Variants in MRPL3 observed in about 807,000 individuals in gnomAD.
The protein encoded by MRPL3 is large ribosomal subunit protein uL3m.
In MRPL3, 43 loss-of-function variants were observed where a neutral mutation model predicts 44.3. The ratio of observed to expected loss-of-function variants is 0.97; its 90% confidence interval spans 0.76 to 1.25. MRPL3 has a LOEUF of 1.25. Among genes scored for constraint, MRPL3 ranks in the 50% most tolerant of loss-of-function variants. The pLI is 0.00. For missense variants in MRPL3, 406 were observed against 427.6 expected, an observed-to-expected ratio of 0.95 and a Z score of 0.45; for synonymous variants, 171 against 152.3, an observed-to-expected ratio of 1.12 and a Z score of -0.91.
Position 131,501,742 on chromosome 3 carries a change from C to T in MRPL3, c.93-27G>A, listed in dbSNP as rs759938832. The T allele has an allele frequency of 6.9e-6, 11 of 1,593,632 alleles. No individual in the cohort carries two copies. The East Asian group carries it at 2.5e-4, about 36-fold the overall frequency. On this transcript the variant is annotated intron_variant, in intron 1 of 9. Coordinates refer to ENST00000264995, the MANE Select transcript of MRPL3 (RefSeq NM_007208.4). ...TATAAAAAGAAAAAATAAATAAAAC[C>T]AAACCACAATTTAAAAACTTCCTCC...
chr3:131,472,297 A>C (rs956169630), intron 6 of MRPL3, among the ~76,000 whole-genome samples: 2 of 152,154 alleles, frequency 1.3e-5, no homozygotes, highest in Middle Eastern at 3.2e-3. Flanking sequence ...AGAGAGTAAC[A>C]ATTTCTTACT....
At chr3:131,502,694 C>A (rs1934524636) in intron 1 of MRPL3, 36 bp downstream of exon 1, 1 of 1,559,792 alleles carries the variant, frequency 6.4e-7, no homozygotes, top group Admixed American at 1.8e-5. Flanking sequence ...CTTCAGGACG[C>A]AACTGTGCAG....
chr3:131,492,951 GATA>G (rs959520466), intron 4 of MRPL3, among the ~76,000 whole-genome samples: 1 of 152,052 alleles, frequency 6.6e-6, no homozygotes, highest in African/African-American at 2.4e-5. Flanking sequence ...CTTAAGACTC[GATA>G]TAGATTGCTA....
Position 131,487,746 on chromosome 3 carries a change from T to C in MRPL3, c.569-6A>G, listed in dbSNP as rs765008010. The C allele has an allele frequency of 4.4e-6, 7 of 1,605,450 alleles. No individual in the cohort carries two copies. The highest frequency in any genetic ancestry group is 5.9e-6 in the Non-Finnish European group (7 of 1,177,466). ...AGCAGCATAAAGAGGAGTGCCTTTA[T>C]GAAAAGAAAATGAAAAATCAATATG... On this transcript the variant is annotated splice_region_variant and splice_polypyrimidine_tract_variant and intron_variant, in intron 5 of 9. Transcript: ENST00000264995.
intron 9 of MRPL3, among the ~76,000 whole-genome samples, chr3:131,465,607 T>C (rs1933583161): frequency 6.6e-6 from 1 of 152,188 alleles, no homozygotes; most frequent in Non-Finnish European, 1.5e-5. Flanking sequence ...GTGTCCAGTA[T>C]ACTTTTATTA....
At chr3:131,485,487 T>C (rs751389844) in intron 6 of MRPL3, among the ~76,000 whole-genome samples, 3 of 152,144 alleles carry the variant, frequency 2.0e-5, no homozygotes, top group Admixed American at 6.5e-5. Flanking sequence ...ACAAGTAAAA[T>C]AATCTGATTT....
chr3:131,490,513 C>T (rs1023209756), intron 4 of MRPL3, among the ~76,000 whole-genome samples: 7 of 152,206 alleles, frequency 4.6e-5, no homozygotes. Flanking sequence ...ACTTCAGAAT[C>T]TCAAATGTGG....
In MRPL3 at chr3:131,467,266, A is replaced by C. The variant is rs1020875317; in HGVS notation, c.894+825T>G. On this transcript the variant is annotated intron_variant, in intron 9 of 9. Coordinates refer to ENST00000264995, the MANE Select transcript of MRPL3 (RefSeq NM_007208.4). The stretch of plus-strand genomic sequence containing the variant: ...CACACACACACACATACACACACAC[A>C]CACACACCCACCACATCTTCTTTAT... 7.9e-5 allele frequency among the ~76,000 whole-genome samples: 12 copies of C among 151,644 alleles called. 2 individuals are homozygous for C. In the East Asian group the frequency reaches 1.9e-3, roughly 24 times the overall value.
chr3:131,485,829 T>C (rs369189242), intron 6 of MRPL3, among the ~76,000 whole-genome samples: 10 of 152,328 alleles, frequency 6.6e-5, no homozygotes, highest in African/African-American at 2.4e-4. Context: ...TGAAGGAAAG[T>C]GATACTAGCA....
intron 4 of MRPL3, among the ~76,000 whole-genome samples, chr3:131,497,500 A>T (rs1559833036): frequency 6.6e-6 from 1 of 152,224 alleles, no homozygotes; most frequent in Non-Finnish European, 1.5e-5. Flanking sequence ...TGTCTTAGAG[A>T]TAAGCAATGT....
chr3:131,482,616 C>A (rs1934017202), intron 6 of MRPL3, among the ~76,000 whole-genome samples: 2 of 152,054 alleles, frequency 1.3e-5, no homozygotes, highest in South Asian at 4.1e-4. Context: ...ACACTGACAA[C>A]TGTAAAGTAG....
At chr3:131,495,645 C>T (rs1174079511) in intron 4 of MRPL3, among the ~76,000 whole-genome samples, 2 of 151,946 alleles carry the variant, frequency 1.3e-5, no homozygotes, top group African/African-American at 2.4e-5. Context: ...TGAACAGCCT[C>T]GACTATGAAA....
intron 9 of MRPL3, among the ~76,000 whole-genome samples, chr3:131,466,263 T>C (rs1933598903): frequency 6.6e-6 from 1 of 152,086 alleles, no homozygotes; most frequent in South Asian, 2.1e-4. Flanking sequence ...GAGGATTAAG[T>C]TTCACTATTT....
At chr3:131,498,721 A>G (rs1934428481) in intron 3 of MRPL3, among the ~76,000 whole-genome samples, 2 of 149,736 alleles carry the variant, frequency 1.3e-5, no homozygotes, top group South Asian at 2.2e-4. Context: ...AAAAAAAAAA[A>G]AGATTAAATA....
chr3:131,481,582 A>G (rs1559822032), intron 6 of MRPL3, among the ~76,000 whole-genome samples: 1 of 152,212 alleles, frequency 6.6e-6, no homozygotes, highest in Non-Finnish European at 1.5e-5. Flanking sequence ...ATTGCCTCTT[A>G]TTAGGCCTTA....
chr3:131,471,187 C>G lies in MRPL3; in HGVS notation c.722G>C (p.Gly241Ala). The G allele has an allele frequency of 6.2e-7, 1 of 1,612,162 alleles. No individual in the cohort carries two copies. Among genetic ancestry groups the G allele is most frequent in the Non-Finnish European group, 8.5e-7 (1 of 1,178,630 alleles). The change falls in exon 7 of 10, where the codon GGA (glycine) becomes GCA (alanine). Residue 241 changes from glycine to alanine, a missense_variant. Coordinates refer to ENST00000264995, the MANE Select transcript of MRPL3 (RefSeq NM_007208.4). ...TATACTCACACCAGTTGCAACAGCT[C>G]CAGGTCTCCTGTGGGTTTTCGTTTG... is the stretch of plus-strand genomic sequence containing the variant. ...HGQTKTHRRP[G>A]AVATGDIGRV...
chr3:131,489,556 A>C (rs919516468), intron 5 of MRPL3, among the ~76,000 whole-genome samples: 3 of 152,088 alleles, frequency 2.0e-5, no homozygotes, highest in Non-Finnish European at 1.5e-5. Context: ...ATTAGGCAAA[A>C]TATCTTGGAA....
chr3:131,501,626 A>G lies in MRPL3; in HGVS notation c.182T>C (p.Ile61Thr), dbSNP rs150037367. Residue 61 changes from isoleucine (I) to threonine (T), a missense_variant, in exon 2 of 10, where the codon ATT (isoleucine) becomes ACT (threonine). Ile to Thr is a moderately conservative substitution (Grantham distance 89). Transcript: ENST00000264995. ...ATCTTCATCAGAGACCAACTGCTTA[A>G]TGAATGGGACATTTTCTTCAGAAAG... ...EHLSEENVPFIKQLVSDEDKA... is the reference protein window; with the variant it reads ...EHLSEENVPFTKQLVSDEDKA... The G allele has an allele frequency of 4.3e-6, 7 of 1,613,162 alleles. No individual in the cohort carries two copies. The highest frequency in any genetic ancestry group is 4.0e-5 in the African/African-American group (3 of 75,030).
chr3:131,487,658 A>G (rs999628017), intron 6 of MRPL3, 22 bp downstream of exon 6: 8 of 1,587,678 alleles, frequency 5.0e-6, no homozygotes, highest in Non-Finnish European at 4.3e-6. Context: ...AAAGGAAAAG[A>G]GAACTCGCTA....
Sources: gnomAD v4.1 joint callset for allele counts (sites outside exome capture counted in the v4.1 genomes callset) on GRCh38, gnomAD v4.1.1 for gene constraint, MANE v1.5 for transcripts, NCBI Gene and HGNC (gene_info 2026-07-23, HGNC 2026-07-21) for gene names.